Variants in MOGAT3 observed in about 807,000 individuals in gnomAD.
MOGAT3 encodes 2-acylglycerol O-acyltransferase 3.
A neutral mutation model predicts 34.4 loss-of-function variants in MOGAT3; 39 were observed. The observed-to-expected ratio is 1.13, with a 90% CI of 0.88 to 1.48. The LOEUF (loss-of-function observed/expected upper bound fraction) is 1.48. MOGAT3 is among the 40% of genes most tolerant of loss of function. The probability of loss-of-function intolerance (pLI) is 0.00; values close to 1 mark genes in which losing one functional copy is unlikely to be tolerated. For missense variants in MOGAT3, 439 were observed against 438.9 expected, an observed-to-expected ratio of 1.00 and a Z score of 0.00; for synonymous variants, 209 against 179.2, an observed-to-expected ratio of 1.17 and a Z score of -1.33.
At position 101,196,408 on chromosome 7, in the gene MOGAT3, G is replaced by A. The variant is rs1562882983; in HGVS notation, c.669-19C>T. 6.3e-7 allele frequency: 1 copy of A among 1,584,464 alleles called. No individual in the cohort carries two copies. ...GGACGCCCTGGGAAGGAGCAAGAGA[G>A]AAGAGGGGGCTCAGGCTGCTGGACT... On this transcript the variant is annotated intron_variant, in intron 5 of 6. Transcript: ENST00000223114.
At chr7:101,194,498 C>CT (rs34849826), downstream of MOGAT3, among the ~76,000 whole-genome samples, 1,019 of 95,488 alleles carry the variant, frequency 0.011, 13 homozygotes, top group African/African-American at 0.022. Context: ...AGGACATAAG[C>CT]TTTTTTTTTT....
intron 3 of MOGAT3, 136 bp from the exon 4 acceptor site, chr7:101,198,966 G>T: frequency 5.2e-6 from 3 of 581,114 alleles, no homozygotes; most frequent in Non-Finnish European, 6.1e-6. Context: ...AGAGTTCCGA[G>T]TTAAAGGTTC....
Position 101,198,295 on chromosome 7 carries a change from G to C in MOGAT3, c.564C>G (p.Val188=). The C allele has an allele frequency of 1.9e-6, 3 of 1,603,794 alleles. No individual in the cohort carries two copies. The highest frequency in any genetic ancestry group is 2.6e-6 in the Non-Finnish European group (3 of 1,174,436). ...CCTCGTGCGCACCCCCCACCATGAT[G>C]ACCACGGCCTGCCCGAGCTGGGGCT... is the stretch of plus-strand genomic sequence containing the variant. ...LSQPQLGQAV[V]IMVGGAHEAL... is the part of the protein sequence containing the mutation. Residue 188 remains valine, a synonymous_variant, in exon 5 of 7, where the codon GTC becomes GTG. Transcript: ENST00000223114.
chr7:101,196,084 G>C lies in MOGAT3; in HGVS notation c.888C>G (p.Pro296=), dbSNP rs781425954. 2 of 1,610,830 alleles carry C rather than the reference G, an allele frequency of 1.2e-6. No homozygotes were observed. Among genetic ancestry groups the C allele is most frequent in the African/African-American group, 1.3e-5 (1 of 74,892 alleles). The change falls in exon 7 of 7, where the codon CCC becomes CCG. Residue 296 remains proline, a synonymous_variant. Transcript: ENST00000223114. ...CGGTGGGGTGGAGGCGCTGGGGGAC[G>C]GGGATGGGGCGGCCCACTGCAGGGA... The part of the protein sequence containing the change: ...PITTVVGRPI[P]VPQRLHPTEE...
rs771019638 is a variant in MOGAT3 at position 101,198,273 on chromosome 7, C to T, written c.586G>A (p.Glu196Lys). Residue 196 changes from glutamate to lysine, a missense_variant, in exon 5 of 7, where the codon GAG becomes AAG. Transcript: ENST00000223114. ...AVVIMVGGAH[E>K]ALYSVPGEHC... ...TCCCCGGGGACTGAATACAGGGCCT[C>T]GTGCGCACCCCCCACCATGATGACC... 2.4e-5 allele frequency: 38 copies of T among 1,611,264 alleles called. No individual in the cohort carries two copies. The highest frequency in any genetic ancestry group is 3.1e-5 in the Non-Finnish European group (37 of 1,178,412).
rs771169859 is a variant in MOGAT3 at position 101,200,457 on chromosome 7, A to G, written c.168T>C (p.Ser56=). Residue 56 remains serine (S), a synonymous_variant, in exon 2 of 7, where the codon TCT becomes TCC. Coordinates refer to ENST00000223114, the MANE Select transcript of MOGAT3 (RefSeq NM_178176.4). ...CATAGAGCCACACCAAGTAAAAAAC[A>G]GAGAAGGGCCAGAGTGACGTGAAGA... is the stretch of plus-strand genomic sequence containing the variant. ...VLLFTSLWPF[S]VFYLVWLYVD... is the part of the protein sequence containing the mutation. 6.2e-6 allele frequency: 10 copies of G among 1,610,574 alleles called. No individual in the cohort carries two copies. The highest frequency in any genetic ancestry group is 8.5e-6 in the Non-Finnish European group (10 of 1,178,368).
chr7:101,194,063 G>A (rs894362202), downstream of MOGAT3, among the ~76,000 whole-genome samples: 1 of 152,068 alleles, frequency 6.6e-6, no homozygotes, highest in African/African-American at 2.4e-5. Context: ...GCACGATCTC[G>A]GCTCACTGCA....
intron 2 of MOGAT3, 49 bp downstream of exon 2, chr7:101,200,359 C>G (rs780404868): frequency 2.6e-5 from 42 of 1,610,690 alleles, no homozygotes; most frequent in Middle Eastern, 1.6e-4. Context: ...CCCCTCACCC[C>G]CCATGTCCCC....
intron 5 of MOGAT3, among the ~76,000 whole-genome samples, 160 bp from the exon 6 acceptor site, chr7:101,196,549 G>C (rs957426509): frequency 4.6e-5 from 7 of 152,300 alleles, no homozygotes; most frequent in Non-Finnish European, 7.4e-5. Context: ...TAGAAGACAG[G>C]ACTCGCATTT....
chr7:101,195,936 G>T lies in MOGAT3; in HGVS notation c.*10C>A, dbSNP rs754652879. 2.2e-5 allele frequency: 36 copies of T among 1,613,894 alleles called. 1 individual carries two copies. The South Asian group carries it at 3.2e-4, about 14-fold the overall frequency. On this transcript the variant is annotated 3_prime_UTR_variant, in exon 7 of 7. Coordinates refer to ENST00000223114, the MANE Select transcript of MOGAT3 (RefSeq NM_178176.4). ...GGGCTCAGGGGCTCAGCGAAAGGCC[G>T]CGGCCAGGCCTAGATGAAGGTGAGG...
Position 101,198,754 on chromosome 7 carries a change from C to G in MOGAT3, c.365G>C (p.Gly122Ala). The G allele has an allele frequency of 6.2e-7, 1 of 1,612,604 alleles. No individual in the cohort carries two copies. Among genetic ancestry groups the G allele is most frequent in the Non-Finnish European group, 8.5e-7 (1 of 1,179,544 alleles). ...GAHPHGIMCT[G>A]FLCNFSTESN... is the part of the protein sequence containing the mutation. ...CTCGGTGGAGAAATTACAGAGGAAG[C>G]CTGTACACATGATCCCATGAGGGTG... The change falls in exon 4 of 7, where the codon GGC becomes GCC. Residue 122 changes from glycine (G) to alanine (A), a missense_variant. Coordinates refer to ENST00000223114, the MANE Select transcript of MOGAT3 (RefSeq NM_178176.4).
chr7:101,198,110 G>T, intron 5 of MOGAT3, 81 bp downstream of exon 5: 1 of 1,491,826 alleles, frequency 6.7e-7, no homozygotes, highest in Non-Finnish European at 9.0e-7. Flanking sequence ...GATCCCCCAT[G>T]CAGGGACCTA....
chr7:101,193,269 G>GA (rs1797716741), downstream of MOGAT3, among the ~76,000 whole-genome samples: 1 of 151,938 alleles, frequency 6.6e-6, no homozygotes, highest in Non-Finnish European at 1.5e-5. Flanking sequence ...CCAGTGTCTG[G>GA]AAAATGTGCC....
intron 5 of MOGAT3, among the ~76,000 whole-genome samples, chr7:101,196,659 AGGAGTT>A (rs1313285141): frequency 6.6e-6 from 1 of 152,180 alleles, no homozygotes; most frequent in Non-Finnish European, 1.5e-5. Flanking sequence ...ATTTGAGGTC[AGGAGTT>A]GGAGACCAGC....
chr7:101,196,897 T>C (rs1797806467), intron 5 of MOGAT3, among the ~76,000 whole-genome samples: 1 of 148,862 alleles, frequency 6.7e-6, no homozygotes, highest in Non-Finnish European at 1.5e-5. Flanking sequence ...GTGCGGTGGC[T>C]CATGCCTGTA....
At chr7:101,194,039 G>A (rs1046837267), downstream of MOGAT3, among the ~76,000 whole-genome samples, 2 of 152,108 alleles carry the variant, frequency 1.3e-5, no homozygotes, top group African/African-American at 4.8e-5. Context: ...CGTTACCCAG[G>A]CTGGAGTGCC....
At chr7:101,200,200 TAGGAAG>T in intron 3 of MOGAT3, 28 bp downstream of exon 3, 1 of 1,581,044 alleles carries the variant, frequency 6.3e-7, no homozygotes, top group Non-Finnish European at 8.7e-7. Flanking sequence ...TGGGGAGAGG[TAGGAAG>T]CAGTTTTTCT....
rs1489979401 is a variant in MOGAT3, at chr7:101,198,844, A to C, written c.289-14T>G. The C allele has an allele frequency of 1.9e-5, 31 of 1,613,120 alleles. No homozygotes were observed. The highest frequency in any genetic ancestry group is 2.6e-5 in the Non-Finnish European group (31 of 1,179,296). On this transcript the variant is annotated splice_polypyrimidine_tract_variant and intron_variant, in intron 3 of 6. Transcript: ENST00000223114. ...TGTTTTCACCAGCTTCGGGGTGTTGAGCAGGATGAAGGGAGGATGGAAGGC... is the reference window on the plus strand; with the variant it reads ...TGTTTTCACCAGCTTCGGGGTGTTGCGCAGGATGAAGGGAGGATGGAAGGC...
chr7:101,199,292 C>G (rs956138943), intron 3 of MOGAT3, among the ~76,000 whole-genome samples: 1 of 152,104 alleles, frequency 6.6e-6, no homozygotes, highest in African/African-American at 2.4e-5. Flanking sequence ...AGGCGTAAGC[C>G]ACCTCACCCA....
Sources: allele counts gnomAD v4.1 joint callset (sites outside exome capture counted in the v4.1 genomes callset), GRCh38; gene constraint gnomAD v4.1.1; transcripts MANE v1.5; gene names NCBI Gene and HGNC (gene_info 2026-07-23, HGNC 2026-07-21).